The following ACBD6 variants were observed in gnomAD, a reference collection of about 807,000 sequenced individuals.
ACBD6 encodes the protein acyl-CoA binding domain containing 6, also known as acyl-CoA-binding domain-containing protein 6.
A neutral mutation model predicts 37.2 loss-of-function variants in ACBD6; 28 were observed. That is an observed-to-expected ratio of 0.75 (90% CI 0.56 to 1.03). The LOEUF (loss-of-function observed/expected upper bound fraction) is 1.03, where lower values mean the gene tolerates loss of function less well. ACBD6 is among the 50% of genes least tolerant of loss of function. The pLI is 0.00. For synonymous variants in ACBD6, 113 were observed against 126.8 expected, an observed-to-expected ratio of 0.89 and a Z score of 0.73; for missense variants, 340 against 337.4, an observed-to-expected ratio of 1.01 and a Z score of -0.06.
At chr1:180,299,555 G>C (rs1650048017) in intron 7 of ACBD6, among the ~76,000 whole-genome samples, 1 of 149,996 alleles carries the variant, frequency 6.7e-6, no homozygotes, top group African/African-American at 2.5e-5. Flanking sequence ...TTTTGATAAT[G>C]AATTTCTTTT....
chr1:180,487,428 G>C (rs12144149), intron 3 of ACBD6, among the ~76,000 whole-genome samples: 145,397 of 152,242 alleles, frequency 0.96, 69,495 homozygotes, highest in African/African-American at 0.99. Context: ...CCAACCCACT[G>C]CATCCCGCCT....
At chr1:180,304,526 C>T (rs1650269677) in intron 7 of ACBD6, among the ~76,000 whole-genome samples, 1 of 150,590 alleles carries the variant, frequency 6.6e-6, no homozygotes, top group South Asian at 2.1e-4. Context: ...GAATAAAATA[C>T]CTAGGAATCC....
intron 4 of ACBD6, among the ~76,000 whole-genome samples, chr1:180,417,936 G>T (rs1348885614): frequency 6.6e-6 from 1 of 152,276 alleles, no homozygotes; most frequent in African/African-American, 2.4e-5. Flanking sequence ...GAAAGGCAAA[G>T]AAATGTATTC....
rs142331582 is a variant in ACBD6, at chr1:180,415,041, C to A, written c.468-1570G>T. 5.7e-3 allele frequency among the ~76,000 whole-genome samples: 862 copies of A among 151,904 alleles called. 5 individuals carry two copies. The highest frequency in any genetic ancestry group is 0.019 in the African/African-American group (800 of 41,382). ...GCAGTGAGCCGAGATTGCGCCACTG[C>A]ACTCCAGCCTGGGCAACAGAGCGAG... On this transcript the variant is annotated intron_variant, in intron 4 of 7. Transcript: ENST00000367595.
At chr1:180,352,104 G>C (rs1652443651) in intron 6 of ACBD6, among the ~76,000 whole-genome samples, 1 of 152,130 alleles carries the variant, frequency 6.6e-6, no homozygotes, top group African/African-American at 2.4e-5. Context: ...AATTCAGAGA[G>C]ACAGAAAGTA....
intron 6 of ACBD6, among the ~76,000 whole-genome samples, chr1:180,383,832 A>G (rs1480830279): frequency 6.6e-6 from 1 of 152,222 alleles, no homozygotes; most frequent in Admixed American, 6.5e-5. Flanking sequence ...CACACAGACC[A>G]GTGGAACAGA....
chr1:180,299,961 A>G (rs1171029604), intron 7 of ACBD6, among the ~76,000 whole-genome samples: 2 of 152,180 alleles, frequency 1.3e-5, no homozygotes, highest in Admixed American at 6.5e-5. Flanking sequence ...CACAAAGCCT[A>G]TTTAGAATGA....
intron 7 of ACBD6, among the ~76,000 whole-genome samples, chr1:180,297,141 T>C (rs961005406): frequency 3.9e-5 from 6 of 152,142 alleles, no homozygotes; most frequent in African/African-American, 1.4e-4. Context: ...TAGGTAAAGA[T>C]AAAGTAGTTT....
At position 180,385,872 on chromosome 1, in the gene ACBD6, G is replaced by A. The variant is rs567909885; in HGVS notation, c.663+11644C>T. Among the ~76,000 whole-genome samples, 6 of 152,240 alleles carry A rather than the reference G, an allele frequency of 3.9e-5. No individual in the cohort carries two copies. In the South Asian group the frequency reaches 1.2e-3, roughly 32 times the overall value. ...ACTAACACATACACATAGGGTACAA[G>A]TAAAAGGATAGAAAAGGCTGGGCGC... is the stretch of plus-strand genomic sequence containing the variant. On this transcript the variant is annotated intron_variant, in intron 6 of 7. Transcript: ENST00000367595.
chr1:180,441,221 C>T (rs575244892), intron 3 of ACBD6, among the ~76,000 whole-genome samples: 93 of 152,240 alleles, frequency 6.1e-4, no homozygotes, highest in African/African-American at 1.6e-3. Context: ...TTTTTTATTG[C>T]GGACACCCTA....
At chr1:180,313,127 T>C (rs1650658788) in intron 7 of ACBD6, among the ~76,000 whole-genome samples, 1 of 152,220 alleles carries the variant, frequency 6.6e-6, no homozygotes, top group South Asian at 2.1e-4. Context: ...CCCAACTTGG[T>C]CAGCACATAT....
Position 180,411,289 on chromosome 1 carries a change from G to A in ACBD6, c.573+2077C>T, listed in dbSNP as rs570608112. 3.3e-5 allele frequency among the ~76,000 whole-genome samples: 5 copies of A among 152,348 alleles called. No individual in the cohort carries two copies. The South Asian group carries it at 1.0e-3, about 32-fold the overall frequency. On this transcript the variant is annotated intron_variant, in intron 5 of 7. Transcript: ENST00000367595. ...GTACAACATAAACTCAGTTGATAAA[G>A]CAGTGGCAGGGTTTGAAAGGATTGA...
intron 6 of ACBD6, among the ~76,000 whole-genome samples, chr1:180,320,897 T>C (rs906434327): frequency 6.6e-6 from 1 of 152,146 alleles, no homozygotes; most frequent in Middle Eastern, 3.2e-3. Flanking sequence ...TTCCCCAATG[T>C]TTTCTTGTAG....
At chr1:180,392,775 A>C (rs1219412082) in intron 6 of ACBD6, among the ~76,000 whole-genome samples, 1 of 148,324 alleles carries the variant, frequency 6.7e-6, no homozygotes, top group Non-Finnish European at 1.5e-5. Context: ...CATGTTTTTG[A>C]AATCTTTTAT....
intron 6 of ACBD6, among the ~76,000 whole-genome samples, chr1:180,316,797 G>A (rs1284000851): frequency 6.6e-6 from 1 of 152,098 alleles, no homozygotes; most frequent in Non-Finnish European, 1.5e-5. Flanking sequence ...ATGAGACAGA[G>A]GTCTCTAATG....
intron 6 of ACBD6, among the ~76,000 whole-genome samples, chr1:180,367,464 G>A (rs1414453308): frequency 6.6e-6 from 1 of 152,076 alleles, no homozygotes; most frequent in Non-Finnish European, 1.5e-5. Flanking sequence ...GGGGTTTGTT[G>A]TACAAATTAT....
intron 5 of ACBD6, among the ~76,000 whole-genome samples, chr1:180,403,913 C>T (rs1647494720): frequency 6.6e-6 from 1 of 151,726 alleles, no homozygotes. Context: ...TTGCCAGGGG[C>T]CAGGGGAAGG....
intron 6 of ACBD6, among the ~76,000 whole-genome samples, chr1:180,324,786 G>C (rs1156535379): frequency 6.6e-6 from 1 of 152,112 alleles, no homozygotes; most frequent in Non-Finnish European, 1.5e-5. Context: ...GTGTAGTGCT[G>C]ACAAAATCCC....
chr1:180,367,935 G>T (rs572324754), intron 6 of ACBD6, among the ~76,000 whole-genome samples: 24 of 152,098 alleles, frequency 1.6e-4, no homozygotes, highest in Non-Finnish European at 3.4e-4. Flanking sequence ...TTGAATGGTA[G>T]TTCTGCTTTT....
Sources: gnomAD v4.1 joint callset for allele counts (sites outside exome capture counted in the v4.1 genomes callset) on GRCh38, gnomAD v4.1.1 for gene constraint, MANE v1.5 for transcripts, NCBI Gene and HGNC (gene_info 2026-07-23, HGNC 2026-07-21) for gene names.